The following MYO5A variants were observed in gnomAD, a reference collection of about 807,000 sequenced individuals.
The protein encoded by MYO5A is myosin VA.
A neutral mutation model predicts 249.7 loss-of-function variants in MYO5A; 98 were observed. That is an observed-to-expected ratio of 0.39 (90% CI 0.33 to 0.46). The LOEUF (loss-of-function observed/expected upper bound fraction) is 0.46. Ranked by LOEUF, MYO5A falls within the 20% of genes least tolerant of loss-of-function variation. The pLI is 0.98. For missense variants in MYO5A, 1,696 were observed against 2,308.8 expected, an observed-to-expected ratio of 0.73 and a Z score of 5.44; for synonymous variants, 778 against 810.6, an observed-to-expected ratio of 0.96 and a Z score of 0.68.
chr15:52,407,572 T>G (rs995996403), intron 7 of MYO5A, among the ~76,000 whole-genome samples, 173 bp from the exon 8 acceptor site: 16 of 152,014 alleles, frequency 1.1e-4, no homozygotes, highest in Non-Finnish European at 1.9e-4. Flanking sequence ...TAAATAAAAT[T>G]TAATTAAATA....
rs1555454764 is a variant in MYO5A at position 52,450,855 on chromosome 15, T to TTTTTTTTTTGTTTTTTG, written c.28-17571_28-17570insCAAAAAACAAAAAAAAA. On this transcript the variant is annotated intron_variant, in intron 1 of 41. Coordinates refer to ENST00000399233, the MANE Select transcript of MYO5A (RefSeq NM_001382347.1). The stretch of plus-strand genomic sequence containing the variant: ...TTGCACTACTGTGGTTTTTTTTTTT[T>TTTTTTTTTTGTTTTTTG]TTTTTTTTTTGTGACAGGGTCTCAC... Among the ~76,000 whole-genome samples, 678 of 144,414 alleles carry TTTTTTTTTTGTTTTTTG rather than the reference T, an allele frequency of 4.7e-3. 6 individuals carry two copies. Among genetic ancestry groups the TTTTTTTTTTGTTTTTTG allele is most frequent in the African/African-American group, 0.016 (603 of 38,790 alleles). The allele number at this position is 144,414 out of a possible 152,430, so 94.7% of individuals were successfully genotyped here.
chr15:52,342,602 T>C (rs1015307370), intron 31 of MYO5A, among the ~76,000 whole-genome samples: 3 of 152,194 alleles, frequency 2.0e-5, no homozygotes, highest in African/African-American at 7.2e-5. Context: ...TAATAGTATC[T>C]TGTAGTGAAG....
intron 11 of MYO5A, among the ~76,000 whole-genome samples, chr15:52,393,532 T>C (rs2042351454): frequency 6.6e-6 from 1 of 152,154 alleles, no homozygotes; most frequent in South Asian, 2.1e-4. Flanking sequence ...TAGCTGGGAC[T>C]ACAGGCGTGT....
At chr15:52,348,958 T>C in intron 28 of MYO5A, 132 bp from the exon 29 acceptor site, 1 of 946,808 alleles carries the variant, frequency 1.1e-6, no homozygotes. Flanking sequence ...GAGTTGTTTC[T>C]CTAAAATTAA....
intron 1 of MYO5A, among the ~76,000 whole-genome samples, chr15:52,485,525 T>C (rs2076802493): frequency 1.3e-5 from 2 of 152,176 alleles, no homozygotes; most frequent in South Asian, 4.1e-4. Context: ...AAATCCTTAC[T>C]CTAGGTAGTA....
rs1805157914 is a variant in MYO5A, at chr15:52,416,388, G to A, written c.456-87C>T. ...GGAAACTATGGTCTCTATGGAAGTA[G>A]GGGGCTAATTAATGGATTTTTTGGT... On this transcript the variant is annotated intron_variant, in intron 4 of 41. Coordinates refer to ENST00000399233, the MANE Select transcript of MYO5A (RefSeq NM_001382347.1). The A allele has an allele frequency of 9.8e-6, 14 of 1,425,332 alleles. No homozygotes were observed. The South Asian group carries it at 1.5e-4, about 15-fold the overall frequency. The allele number at this position is 1,425,332 out of a possible 1,614,324, so 88.3% of individuals were successfully genotyped here.
At chr15:52,396,930 G>A (rs796268825) in intron 10 of MYO5A, among the ~76,000 whole-genome samples, 6 of 152,298 alleles carry the variant, frequency 3.9e-5, no homozygotes, top group African/African-American at 1.4e-4. Flanking sequence ...GAATTTCAGT[G>A]ATAATTTACC....
At chr15:52,318,040 G>GT (rs1317693566) in intron 39 of MYO5A, among the ~76,000 whole-genome samples, 9 of 152,196 alleles carry the variant, frequency 5.9e-5, no homozygotes, top group African/African-American at 2.2e-4. Context: ...ACACTTCAAT[G>GT]TAAGTCAGGA....
intron 27 of MYO5A, 40 bp from the exon 28 acceptor site, chr15:52,351,521 T>A (rs2039952146): frequency 1.3e-6 from 2 of 1,571,458 alleles, no homozygotes; most frequent in Non-Finnish European, 1.8e-6. Flanking sequence ...GCTGTCATCC[T>A]CAACTTTACG....
rs2041026539 is a variant in MYO5A, at chr15:52,370,108, C to T, written c.3066+61G>A. 1.2e-5 allele frequency: 20 copies of T among 1,605,994 alleles called. No individual in the cohort carries two copies. The South Asian group carries it at 1.8e-4, about 14-fold the overall frequency. On this transcript the variant is annotated intron_variant, in intron 22 of 41. Coordinates refer to ENST00000399233, the MANE Select transcript of MYO5A (RefSeq NM_001382347.1). Reference sequence around the variant, plus strand: ...CAACAGTGAGTCACACGGACCAAGTCATGATGACAGCACCTCTCTTTTGTG... The same window carrying T: ...CAACAGTGAGTCACACGGACCAAGTTATGATGACAGCACCTCTCTTTTGTG...
rs2039627538 is a variant in MYO5A at position 52,346,352 on chromosome 15, T to C, written c.3959+9A>G. 1 of 1,518,090 alleles carries C rather than the reference T, an allele frequency of 6.6e-7. No individual in the cohort carries two copies. The highest frequency in any genetic ancestry group is 1.7e-5 in the Admixed American group (1 of 59,572). 94.0% of individuals were successfully genotyped at this position (1,518,090 alleles called of 1,614,324 possible). ...TAAACCAAAATGAATAAAAGAAGGA[T>C]CAACTTACCTATTTGTTTCTTTCAA... On this transcript the variant is annotated intron_variant, in intron 30 of 41. Transcript: ENST00000399233.
At chr15:52,373,137 T>C (rs1483305846) in intron 20 of MYO5A, among the ~76,000 whole-genome samples, 1 of 152,128 alleles carries the variant, frequency 6.6e-6, no homozygotes, top group Admixed American at 6.5e-5. Flanking sequence ...TGAAACAAAC[T>C]AATCTTACTT....
intron 1 of MYO5A, among the ~76,000 whole-genome samples, chr15:52,488,598 T>C (rs146729254): frequency 6.5e-4 from 99 of 152,270 alleles, no homozygotes; most frequent in African/African-American, 2.2e-3. Context: ...ACACATTTGA[T>C]CAGAAATGTC....
intron 1 of MYO5A, among the ~76,000 whole-genome samples, chr15:52,491,864 A>C (rs1005253620): frequency 6.6e-6 from 1 of 152,218 alleles, no homozygotes; most frequent in African/African-American, 2.4e-5. Context: ...GCGGGAAACT[A>C]TGCAGGAAAA....
intron 1 of MYO5A, among the ~76,000 whole-genome samples, chr15:52,485,373 G>T (rs1451547182): frequency 1.3e-5 from 2 of 151,856 alleles, no homozygotes; most frequent in African/African-American, 4.8e-5. Flanking sequence ...AATACTATTG[G>T]AATTAAGGGG....
At chr15:52,505,261 A>AC (rs1555386894) in intron 1 of MYO5A, 2 of 775,774 alleles carry the variant, frequency 2.6e-6, no homozygotes, top group Non-Finnish European at 4.8e-6. Context: ...CAAGAGCTAC[A>AC]TCAAGGGGTA....
At position 52,307,316 on chromosome 15, in the gene MYO5A, A is replaced by G. The variant is rs558685327; in HGVS notation, c.*6380T>C. On this transcript the variant is annotated 3_prime_UTR_variant, in exon 42 of 42. Transcript: ENST00000399233. Reference sequence around the variant, plus strand: ...CATATCTTTATTTAAACAAGTTTCCATAATAGCTAGGAGAATACAGCATTA... The same window carrying G: ...CATATCTTTATTTAAACAAGTTTCCGTAATAGCTAGGAGAATACAGCATTA... 6.6e-6 allele frequency: 1 copy of G among 152,064 alleles called. No homozygotes were observed. The highest frequency in any genetic ancestry group is 1.9e-4 in the East Asian group (1 of 5,176). 9.4% of individuals were successfully genotyped at this position (152,064 alleles called of 1,614,324 possible).
At chr15:52,416,601 C>T (rs539879021) in intron 4 of MYO5A, among the ~76,000 whole-genome samples, 7 of 151,738 alleles carry the variant, frequency 4.6e-5, no homozygotes, top group Non-Finnish European at 7.4e-5. Flanking sequence ...CTGAACAAAG[C>T]GTTAAGTTAC....
At chr15:52,514,679 C>T (rs1400421626) in intron 1 of MYO5A, among the ~76,000 whole-genome samples, 1 of 152,198 alleles carries the variant, frequency 6.6e-6, no homozygotes, top group African/African-American at 2.4e-5. Context: ...CAATTCAGCA[C>T]AGGCATCACC....
Sources: gnomAD v4.1 joint callset for allele counts (sites outside exome capture counted in the v4.1 genomes callset) on GRCh38, gnomAD v4.1.1 for gene constraint, MANE v1.5 for transcripts, NCBI Gene and HGNC (gene_info 2026-07-23, HGNC 2026-07-21) for gene names.